Variants in KEL observed in about 807,000 individuals in gnomAD.
The protein encoded by KEL is kell blood group glycoprotein.
In KEL, 96 loss-of-function variants were observed where a neutral mutation model predicts 99.5. The ratio of observed to expected loss-of-function variants is 0.97; its 90% CI spans 0.82 to 1.14. The LOEUF (loss-of-function observed/expected upper bound fraction) is 1.14. Ranked by LOEUF, KEL falls within the 50% of genes most tolerant of loss-of-function variation. KEL has a pLI of 0.00. For missense variants in KEL, 926 were observed against 924.2 expected (o/e 1.00, Z -0.03); for synonymous variants, 355 against 354.8 (o/e 1.00, Z -0.01).
Position 142,942,541 on chromosome 7 carries a change from T to C in KEL, c.1942-12A>G, listed in dbSNP as rs200880305. The C allele has an allele frequency of 2.3e-4, 364 of 1,590,662 alleles. 3 individuals carry two copies. In the African/African-American group the frequency reaches 4.2e-3, roughly 19 times the overall value. Reference sequence around the variant, plus strand: ...CTCTTGCTGTATGCCTGGGTAGGGGTGGGTAGAGAAGGGCCATCAGGCTCT... The same window carrying C: ...CTCTTGCTGTATGCCTGGGTAGGGGCGGGTAGAGAAGGGCCATCAGGCTCT... On this transcript the variant is annotated splice_polypyrimidine_tract_variant and intron_variant, in intron 17 of 18. Coordinates refer to ENST00000355265, the MANE Select transcript of KEL (RefSeq NM_000420.3).
chr7:142,942,223 G>A, intron 18 of KEL: 1 of 590,252 alleles, frequency 1.7e-6, no homozygotes, highest in Non-Finnish European at 3.0e-6. Context: ...TTGAGTTGTG[G>A]GGGTGCTGAA....
At chr7:142,943,745 T>C in intron 14 of KEL, 38 bp downstream of exon 14, 1 of 1,580,892 alleles carries the variant, frequency 6.3e-7, no homozygotes, top group Non-Finnish European at 8.7e-7. Flanking sequence ...GATGGGTCTC[T>C]CTGGGATGGA....
At chr7:142,948,319 A>G (rs1294250463) in intron 10 of KEL, among the ~76,000 whole-genome samples, 1 of 152,168 alleles carries the variant, frequency 6.6e-6, no homozygotes, top group African/African-American at 2.4e-5. Context: ...TCTCCAAAAT[A>G]TAAACAATAG....
At chr7:142,958,161 CA>C in intron 5 of KEL, 142 bp downstream of exon 5, 1 of 1,344,754 alleles carries the variant, frequency 7.4e-7, no homozygotes, top group Non-Finnish European at 1.1e-6. Context: ...AGGGCATAAC[CA>C]TTTCCATCTC....
In KEL at chr7:142,943,486, C is replaced by T. The variant is rs1203395061; in HGVS notation, c.1703G>A (p.Arg568Lys). 9 of 1,613,248 alleles carry T rather than the reference C, an allele frequency of 5.6e-6. No homozygotes were observed. Among genetic ancestry groups the T allele is most frequent in the Non-Finnish European group, 7.6e-6 (9 of 1,179,138 alleles). Residue 568 changes from arginine (R) to lysine (K), a missense_variant and splice_region_variant, in exon 15 of 19, where the codon AGA (arginine) becomes AAA (lysine). Transcript: ENST00000355265. ...QPPFFHPGYP[R>K]AVNFGAAGSI... ...CCTACCCTTACAGAGTGACCCATACCTGGGATAGCCAGGGTGGAAGAATGG... is the reference window on the plus strand; with the variant it reads ...CCTACCCTTACAGAGTGACCCATACTTGGGATAGCCAGGGTGGAAGAATGG...
At chr7:142,951,567 C>T (rs1055122010) in intron 10 of KEL, among the ~76,000 whole-genome samples, 2 of 152,184 alleles carry the variant, frequency 1.3e-5, no homozygotes, top group African/African-American at 2.4e-5. Context: ...GTCTCCTCCT[C>T]TTTAAAATAG....
intron 1 of KEL, 100 bp from the exon 2 acceptor site, chr7:142,961,972 C>T: frequency 5.0e-6 from 8 of 1,602,616 alleles, no homozygotes; most frequent in Non-Finnish European, 6.8e-6. Flanking sequence ...TCGCTGCCTG[C>T]CCTGCCCCCA....
intron 9 of KEL, among the ~76,000 whole-genome samples, chr7:142,952,962 A>C (rs1796726652): frequency 6.6e-6 from 1 of 152,148 alleles, no homozygotes; most frequent in African/African-American, 2.4e-5. Flanking sequence ...GGTTATCCTC[A>C]GATGTATCTC....
At position 142,957,247 on chromosome 7, in the gene KEL, G is replaced by A. The variant is rs1586268871; in HGVS notation, c.672+580C>T. 3.3e-5 allele frequency among the ~76,000 whole-genome samples: 5 copies of A among 152,306 alleles called. No homozygotes were observed. The East Asian group carries it at 9.6e-4, about 29-fold the overall frequency. ...GTGTGGGGGATGGTTGCAGGCACAG[G>A]GAGCAGCATAGGCAAAGAACTGAGG... On this transcript the variant is annotated intron_variant, in intron 6 of 18. Transcript: ENST00000355265.
At chr7:142,952,382 G>T in intron 10 of KEL, 127 bp downstream of exon 10, 1 of 1,260,412 alleles carries the variant, frequency 7.9e-7, no homozygotes, top group Non-Finnish European at 1.2e-6. Context: ...TCTATGGAAA[G>T]CCAAGACATG....
intron 4 of KEL, 104 bp downstream of exon 4, chr7:142,960,824 C>T: frequency 8.5e-7 from 1 of 1,177,100 alleles, no homozygotes; most frequent in South Asian, 1.2e-5. Context: ...TGGGATGGTG[C>T]AAATCAGTTG....
chr7:142,946,074 C>CTT, intron 11 of KEL, 133 bp downstream of exon 11: 1 of 698,002 alleles, frequency 1.4e-6, no homozygotes, highest in Non-Finnish European at 2.6e-6. Context: ...TTCCCTCTCT[C>CTT]AGTGGCCCTT....
intron 3 of KEL, 44 bp from the exon 4 acceptor site, chr7:142,961,148 C>A (rs1163082759): frequency 3.1e-6 from 5 of 1,606,956 alleles, no homozygotes; most frequent in Non-Finnish European, 2.6e-6. Context: ...GGCAAAAAGA[C>A]AAGGGCTCCC....
intron 13 of KEL, among the ~76,000 whole-genome samples, chr7:142,944,120 T>C (rs7797908): frequency 0.096 from 14,564 of 152,138 alleles, 1,099 homozygotes; most frequent in African/African-American, 0.22. Flanking sequence ...TGTTGGCACA[T>C]GCGTTGGGAC....
chr7:142,942,902 G>A lies in KEL; in HGVS notation c.1914C>T (p.Asp638=), dbSNP rs367661434. The change falls in exon 17 of 19, where the codon GAC becomes GAT. Residue 638 remains aspartate, a synonymous_variant. Coordinates refer to ENST00000355265, the MANE Select transcript of KEL (RefSeq NM_000420.3). ...GCAGCGCGATGGCTAGCCCCCCAAC[G>A]TCTGCAGCATTCTCTAAGAATGTGA... ...DSLTFLENAA[D]VGGLAIALQA... The A allele has an allele frequency of 1.4e-4, 221 of 1,614,064 alleles. No homozygotes were observed. The highest frequency in any genetic ancestry group is 7.8e-4 in the East Asian group (35 of 44,900).
intron 4 of KEL, among the ~76,000 whole-genome samples, chr7:142,958,814 G>T (rs569250828): frequency 1.3e-5 from 2 of 152,320 alleles, no homozygotes; most frequent in East Asian, 3.9e-4. Context: ...TCTAAGGGCA[G>T]CCACTATAAG....
intron 6 of KEL, among the ~76,000 whole-genome samples, chr7:142,955,702 C>T (rs1183856442): frequency 6.6e-6 from 1 of 152,040 alleles, no homozygotes; most frequent in East Asian, 1.9e-4. Flanking sequence ...TTTCAATATC[C>T]CACTCTTATC....
chr7:142,952,276 C>T (rs1796704768), intron 10 of KEL, among the ~76,000 whole-genome samples: 1 of 152,094 alleles, frequency 6.6e-6, no homozygotes, highest in African/African-American at 2.4e-5. Context: ...CAGCAAGAAG[C>T]CAGAGAGGTA....
intron 9 of KEL, chr7:142,953,421 T>G (rs1586263454): frequency 1.0e-5 from 10 of 982,458 alleles, no homozygotes; most frequent in Admixed American, 1.2e-4. Flanking sequence ...CTCCTCCTCC[T>G]GCCCACAGTC....
Sources: allele counts gnomAD v4.1 joint callset (sites outside exome capture counted in the v4.1 genomes callset), GRCh38; gene constraint gnomAD v4.1.1; transcripts MANE v1.5; gene names NCBI Gene and HGNC (gene_info 2026-07-23, HGNC 2026-07-21).